APBA1: variants seen among roughly 807,000 people sequenced by gnomAD.
APBA1 encodes the protein amyloid-beta A4 precursor protein-binding family A member 1.
Under a neutral mutation model 86.6 loss-of-function variants are expected in APBA1, and 55 were observed. The observed-to-expected ratio is 0.64, with a 90% CI of 0.51 to 0.80. The LOEUF (loss-of-function observed/expected upper bound fraction) is 0.80. Ranked by LOEUF, APBA1 falls within the 30% of genes least tolerant of loss-of-function variation. The pLI, the probability that APBA1 is intolerant of heterozygous loss-of-function variation, is 0.00. For missense variants in APBA1, 1,090 were observed against 1,183.0 expected (o/e 0.92, Z 1.15); for synonymous variants, 511 against 493.9 (o/e 1.03, Z -0.46).
rs1357763734 is a variant in APBA1, at chr9:69,515,916, C to T, written c.1200+95G>A. On this transcript the variant is annotated intron_variant, in intron 2 of 12. Transcript: ENST00000265381. ...CTTAGCGTCCCCACAGACTACTTCC[C>T]GTAAAGTCACTACCCAAGGGCACAC... 6.2e-5 allele frequency: 84 copies of T among 1,349,268 alleles called. 1 individual carries two copies. The Middle Eastern group carries it at 1.4e-3, about 22-fold the overall frequency. The allele number at this position is 1,349,268 out of a possible 1,614,324, so 83.6% of individuals were successfully genotyped here. A position where few individuals can be genotyped will look rare whatever the true frequency, so the allele number is the denominator to read the frequency against.
rs562571114 is a variant in APBA1 at position 69,585,488 on chromosome 9, C to T, written c.-69-68209G>A. Among the ~76,000 whole-genome samples the T allele has an allele frequency of 1.6e-4, 24 of 152,302 alleles. No homozygotes were observed. In the South Asian group the frequency reaches 5.0e-3, roughly 32 times the overall value. ...TGCCCTGGAGAGAAGGGGGATGCCT[C>T]ATGGGCCAGACAAAGCTGTGGCTTT... On this transcript the variant is annotated intron_variant, in intron 1 of 12. Transcript: ENST00000265381.
chr9:69,581,777 C>T (rs1333254015), intron 1 of APBA1, among the ~76,000 whole-genome samples: 1 of 152,100 alleles, frequency 6.6e-6, no homozygotes, highest in Non-Finnish European at 1.5e-5. Flanking sequence ...TATGTGACCC[C>T]GGTCAAGTCA....
intron 4 of APBA1, among the ~76,000 whole-genome samples, chr9:69,470,475 C>T (rs754449199): frequency 6.6e-6 from 1 of 152,276 alleles, no homozygotes; most frequent in South Asian, 2.1e-4. Context: ...TTTCAAACTT[C>T]AGAAAACTTC....
upstream of APBA1, among the ~76,000 whole-genome samples, chr9:69,672,562 G>T (rs1414725163): frequency 1.4e-5 from 2 of 147,626 alleles, no homozygotes; most frequent in Non-Finnish European, 3.0e-5. Context: ...GCCCGCGGCG[G>T]CGGCGGCGGC....
chr9:69,566,265 C>T (rs928296423), intron 1 of APBA1, among the ~76,000 whole-genome samples: 1 of 152,204 alleles, frequency 6.6e-6, no homozygotes, highest in South Asian at 2.1e-4. Flanking sequence ...GGAGGATTGC[C>T]TCCCATGCCC....
At chr9:69,514,258 A>C (rs1836097514) in intron 2 of APBA1, among the ~76,000 whole-genome samples, 1 of 152,172 alleles carries the variant, frequency 6.6e-6, no homozygotes, top group Non-Finnish European at 1.5e-5. Flanking sequence ...AGATGTGAAA[A>C]ATTAGGCACC....
chr9:69,623,379 C>T (rs1395371445), intron 1 of APBA1, among the ~76,000 whole-genome samples: 2 of 151,072 alleles, frequency 1.3e-5, no homozygotes, highest in Non-Finnish European at 2.9e-5. Context: ...TAAAGACTTG[C>T]TCTCTGTTAA....
intron 1 of APBA1, among the ~76,000 whole-genome samples, chr9:69,656,435 C>G (rs1431245990): frequency 2.0e-5 from 3 of 152,194 alleles, no homozygotes; most frequent in Non-Finnish European, 2.9e-5. Flanking sequence ...GAATTAATCT[C>G]TACAATATTA....
chr9:69,517,658 A>T (rs1196969793), intron 1 of APBA1, among the ~76,000 whole-genome samples: 1 of 152,226 alleles, frequency 6.6e-6, no homozygotes, highest in Non-Finnish European at 1.5e-5. Context: ...TCTCCAAATT[A>T]AACTAGGATC....
At position 69,432,519 on chromosome 9, in the gene APBA1, C is replaced by T; in HGVS notation, c.2442+17G>A. 4 of 1,522,486 alleles carry T rather than the reference C, an allele frequency of 2.6e-6. No homozygotes were observed. The highest frequency in any genetic ancestry group is 3.5e-6 in the Non-Finnish European group (4 of 1,130,718). 94.3% of individuals were successfully genotyped at this position (1,522,486 alleles called of 1,614,324 possible). ...ACGCGGCCCTCAGCACCACCCTCAG[C>T]CCCGGACCTCTCCTACCTCCCCAAC... On this transcript the variant is annotated intron_variant, in intron 12 of 12. Coordinates refer to ENST00000265381, the MANE Select transcript of APBA1 (RefSeq NM_001163.4).
At chr9:69,626,983 T>C (rs1822946700) in intron 1 of APBA1, among the ~76,000 whole-genome samples, 1 of 152,110 alleles carries the variant, frequency 6.6e-6, no homozygotes, top group Non-Finnish European at 1.5e-5. Context: ...ACCTCAGTAA[T>C]TTTGGCTGTC....
chr9:69,671,245 T>C (rs890975701), intron 1 of APBA1, among the ~76,000 whole-genome samples: 2 of 152,088 alleles, frequency 1.3e-5, no homozygotes, highest in South Asian at 4.1e-4. Flanking sequence ...CAATAGAAAC[T>C]GCACAGTCAG....
chr9:69,429,699 C>T lies in APBA1; in HGVS notation c.*1628G>A, dbSNP rs1238913300. On this transcript the variant is annotated 3_prime_UTR_variant, in exon 13 of 13. Transcript: ENST00000265381. Reference sequence around the variant, plus strand: ...CTTGTTATAGTCACTTTGCTCCCTCCTTAGAATCCCTCCATTCTCTCTATA... The same window carrying T: ...CTTGTTATAGTCACTTTGCTCCCTCTTTAGAATCCCTCCATTCTCTCTATA... The T allele has an allele frequency of 6.6e-6, 1 of 151,994 alleles. No homozygotes were observed. Among genetic ancestry groups the T allele is most frequent in the East Asian group, 1.9e-4 (1 of 5,198 alleles). 9.4% of individuals were successfully genotyped at this position (151,994 alleles called of 1,614,324 possible).
intron 1 of APBA1, among the ~76,000 whole-genome samples, chr9:69,652,427 C>A (rs768343185): frequency 3.3e-5 from 5 of 152,096 alleles, no homozygotes; most frequent in Admixed American, 1.3e-4. Context: ...TACTGCCAAC[C>A]AAATAAGTGT....
intron 1 of APBA1, among the ~76,000 whole-genome samples, chr9:69,555,710 T>C (rs976326596): frequency 6.6e-6 from 1 of 152,182 alleles, no homozygotes; most frequent in Non-Finnish European, 1.5e-5. Context: ...GTAACTAAAG[T>C]AGAATTTTAG....
chr9:69,612,916 T>C (rs1490947182), intron 1 of APBA1, among the ~76,000 whole-genome samples: 11 of 152,066 alleles, frequency 7.2e-5, no homozygotes, highest in African/African-American at 2.7e-4. Context: ...TAAAGCAGGT[T>C]AAAAAGAAAA....
chr9:69,590,571 G>A (rs552886578), intron 1 of APBA1, among the ~76,000 whole-genome samples: 4 of 152,288 alleles, frequency 2.6e-5, no homozygotes, highest in Non-Finnish European at 4.4e-5. Flanking sequence ...GCTGGCTCTC[G>A]AAGGCCTTCA....
chr9:69,523,487 A>ATATATG (rs1836289609), intron 1 of APBA1, among the ~76,000 whole-genome samples: 1 of 14,030 alleles, frequency 7.1e-5, no homozygotes, highest in Non-Finnish European at 1.9e-4. Flanking sequence ...GTATATATAT[A>ATATATG]TATATATATG....
intron 1 of APBA1, among the ~76,000 whole-genome samples, chr9:69,617,467 G>A (rs1216158326): frequency 6.6e-6 from 1 of 152,040 alleles, no homozygotes; most frequent in Admixed American, 6.6e-5. Flanking sequence ...AGTAGAATGT[G>A]TGTATCCAGC....
Sources: allele counts gnomAD v4.1 joint callset (sites outside exome capture counted in the v4.1 genomes callset), GRCh38; gene constraint gnomAD v4.1.1; transcripts MANE v1.5; gene names NCBI Gene and HGNC (gene_info 2026-07-23, HGNC 2026-07-21).